Variants in ODAD2 observed in about 807,000 individuals in gnomAD.
ODAD2 encodes outer dynein arm-docking complex subunit 2.
ODAD2 carries 89 observed loss-of-function variants against 106.8 expected under a neutral mutation model. The observed-to-expected ratio is 0.83, with a 90% CI of 0.70 to 0.99. The LOEUF (loss-of-function observed/expected upper bound fraction) is 0.99. Among genes scored for constraint, ODAD2 ranks in the 50% least tolerant of loss-of-function variants. The pLI is 0.00. For missense variants in ODAD2, 1,168 were observed against 1,238.5 expected (o/e 0.94, Z 0.85); for synonymous variants, 404 against 436.2 (o/e 0.93, Z 0.92).
chr10:27,955,013 A>G (rs1201628259), intron 10 of ODAD2, among the ~76,000 whole-genome samples: 4 of 152,186 alleles, frequency 2.6e-5, no homozygotes, highest in Admixed American at 6.5e-5. Flanking sequence ...AAAAGTCACA[A>G]AAGTTGTCCT....
intron 17 of ODAD2, among the ~76,000 whole-genome samples, chr10:27,902,151 C>G (rs565831525): frequency 6.6e-6 from 1 of 152,192 alleles, no homozygotes; most frequent in Non-Finnish European, 1.5e-5. Context: ...GATTAAGAAA[C>G]TCTCTCAAAA....
At chr10:27,902,462 G>A (rs960290612) in intron 17 of ODAD2, among the ~76,000 whole-genome samples, 1 of 152,074 alleles carries the variant, frequency 6.6e-6, no homozygotes, top group South Asian at 2.1e-4. Flanking sequence ...CAGAACTGAA[G>A]GTGATAGAGA....
intron 16 of ODAD2, among the ~76,000 whole-genome samples, chr10:27,934,695 T>A (rs1213149376): frequency 6.6e-6 from 1 of 152,094 alleles, no homozygotes; most frequent in East Asian, 1.9e-4. Context: ...TCTAGGAGCC[T>A]AGTTAGATAG....
chr10:27,983,412 C>T (rs1303982731), intron 6 of ODAD2, among the ~76,000 whole-genome samples: 1 of 152,218 alleles, frequency 6.6e-6, no homozygotes, highest in African/African-American at 2.4e-5. Context: ...GTCCCAGCTT[C>T]ATAGGGCACT....
At chr10:27,971,051 T>A (rs1399801901) in intron 8 of ODAD2, 57 bp downstream of exon 8, 5 of 880,170 alleles carry the variant, frequency 5.7e-6, no homozygotes, top group African/African-American at 3.4e-5. Flanking sequence ...CTGTGAAAAA[T>A]TAGGTGAGTA....
intron 19 of ODAD2, among the ~76,000 whole-genome samples, chr10:27,825,094 T>C (rs1836933795): frequency 6.6e-6 from 1 of 152,212 alleles, no homozygotes; most frequent in African/African-American, 2.4e-5. Context: ...CTCTAGTTGC[T>C]TGGGCTGAAA....
rs1230549842 is a variant in ODAD2 at position 27,885,593 on chromosome 10, A to AAT, written c.2610+22068_2610+22069dup. Among the ~76,000 whole-genome samples the AAT allele has an allele frequency of 1.8e-3, 142 of 78,458 alleles. 2 individuals carry two copies. Among genetic ancestry groups the AAT allele is most frequent in the Non-Finnish European group, 2.7e-3 (119 of 43,338 alleles). The allele number at this position is 78,458 out of a possible 152,430, so 51.5% of individuals were successfully genotyped here. ...ATATATATATAAATATATAAATATA[A>AAT]ATATATATATAAAATATATATAAAT... On this transcript the variant is annotated intron_variant, in intron 17 of 19. Transcript: ENST00000305242.
intron 17 of ODAD2, among the ~76,000 whole-genome samples, chr10:27,876,157 C>A (rs1184977547): frequency 6.6e-6 from 1 of 152,164 alleles, no homozygotes; most frequent in African/African-American, 2.4e-5. Context: ...GAAACCTCTG[C>A]AGACTTAAAT....
At chr10:27,980,562 A>G (rs1385679520) in intron 7 of ODAD2, among the ~76,000 whole-genome samples, 1 of 152,182 alleles carries the variant, frequency 6.6e-6, no homozygotes, top group African/African-American at 2.4e-5. Flanking sequence ...CAACAAATAT[A>G]TGAAAATATG....
intron 17 of ODAD2, among the ~76,000 whole-genome samples, chr10:27,886,599 A>T (rs1448792330): frequency 1.3e-5 from 2 of 152,090 alleles, no homozygotes; most frequent in African/African-American, 4.8e-5. Flanking sequence ...AAATAAATAG[A>T]TGAACAAATA....
chr10:27,874,401 T>C (rs949162869), intron 17 of ODAD2, among the ~76,000 whole-genome samples: 3 of 152,216 alleles, frequency 2.0e-5, no homozygotes, highest in African/African-American at 7.2e-5. Context: ...GTCATTGTGA[T>C]GTTAGCTGGT....
rs10599433 is a variant in ODAD2, at chr10:27,985,216, CAAA to C, written c.383-8_383-6del. 845 of 1,229,786 alleles carry C rather than the reference CAAA, an allele frequency of 6.9e-4. No homozygotes were observed. The highest frequency in any genetic ancestry group is 2.5e-3 in the South Asian group (132 of 53,002). 76.2% of individuals were successfully genotyped at this position (1,229,786 alleles called of 1,614,324 possible). ...TTACTATGGGGTCTCTGTTAGCTGC[CAAA>C]AAAAAAAAAAAGGAGACAAATAAAA... On this transcript the variant is annotated splice_polypyrimidine_tract_variant and splice_region_variant and intron_variant, in intron 3 of 19. Coordinates refer to ENST00000305242, the MANE Select transcript of ODAD2 (RefSeq NM_018076.5).
At chr10:27,966,451 C>A (rs1848493648) in intron 9 of ODAD2, among the ~76,000 whole-genome samples, 1 of 152,174 alleles carries the variant, frequency 6.6e-6, no homozygotes, top group African/African-American at 2.4e-5. Flanking sequence ...TTTTAAAAAG[C>A]AGCGCCCCAA....
chr10:27,888,908 T>G (rs1191759525), intron 17 of ODAD2, among the ~76,000 whole-genome samples: 1 of 152,144 alleles, frequency 6.6e-6, no homozygotes, highest in African/African-American at 2.4e-5. Context: ...TGCAAAAATG[T>G]AACTCAAAAT....
intron 9 of ODAD2, among the ~76,000 whole-genome samples, chr10:27,965,701 T>G (rs982895489): frequency 6.6e-6 from 1 of 152,188 alleles, no homozygotes; most frequent in Middle Eastern, 3.2e-3. Flanking sequence ...AAAGGGTTAT[T>G]GACACCCTAC....
chr10:27,998,716 C>T (rs1051465618), intron 1 of ODAD2, among the ~76,000 whole-genome samples: 4 of 152,026 alleles, frequency 2.6e-5, no homozygotes, highest in Non-Finnish European at 5.9e-5. Flanking sequence ...AGCGGCGGGG[C>T]CAGAGAGCCG....
At chr10:27,989,211 G>C (rs922655267) in intron 2 of ODAD2, among the ~76,000 whole-genome samples, 1 of 152,138 alleles carries the variant, frequency 6.6e-6, no homozygotes, top group African/African-American at 2.4e-5. Context: ...TAGGTTTGGG[G>C]CAATGTGTTA....
At chr10:27,890,430 A>C (rs1172828104) in intron 17 of ODAD2, among the ~76,000 whole-genome samples, 1 of 152,214 alleles carries the variant, frequency 6.6e-6, no homozygotes, top group Admixed American at 6.5e-5. Flanking sequence ...TTTCAAAATT[A>C]AGTGGTTAAG....
At chr10:27,963,988 G>A (rs972536479) in intron 9 of ODAD2, among the ~76,000 whole-genome samples, 3 of 152,162 alleles carry the variant, frequency 2.0e-5, no homozygotes, top group African/African-American at 7.2e-5. Context: ...TTGGGAAGCC[G>A]AGGTGAGTGG....
Sources: allele counts gnomAD v4.1 joint callset (sites outside exome capture counted in the v4.1 genomes callset), GRCh38; gene constraint gnomAD v4.1.1; transcripts MANE v1.5; gene names NCBI Gene and HGNC (gene_info 2026-07-23, HGNC 2026-07-21).